The following KCNU1 variants were observed in gnomAD, a reference collection of about 807,000 sequenced individuals.
The protein encoded by KCNU1 is potassium channel subfamily U member 1.
KCNU1 carries 93 observed loss-of-function variants against 126.8 expected under a neutral mutation model. That is an observed-to-expected ratio of 0.73 (90% CI 0.62 to 0.87). KCNU1 has a LOEUF of 0.87. Ranked by LOEUF, KCNU1 falls within the 40% of genes least tolerant of loss-of-function variation. The pLI is 0.00. For synonymous variants in KCNU1, 523 were observed against 494.2 expected, an observed-to-expected ratio of 1.06 and a Z score of -0.77; for missense variants, 1,330 against 1,367.1, an observed-to-expected ratio of 0.97 and a Z score of 0.43.
At chr8:36,818,736 A>G (rs1438838615) in intron 10 of KCNU1, among the ~76,000 whole-genome samples, 1 of 152,224 alleles carries the variant, frequency 6.6e-6, no homozygotes, top group Non-Finnish European at 1.5e-5. Flanking sequence ...ATCTTCTGGC[A>G]CTGTGTAGTT....
At chr8:36,846,728 G>C (rs1351842368) in intron 18 of KCNU1, among the ~76,000 whole-genome samples, 2 of 150,872 alleles carry the variant, frequency 1.3e-5, no homozygotes, top group Non-Finnish European at 2.9e-5. Context: ...TTGAACCTGG[G>C]AGGCGGAGGT....
chr8:36,811,729 C>T (rs551993097), intron 7 of KCNU1, among the ~76,000 whole-genome samples: 14 of 151,588 alleles, frequency 9.2e-5, no homozygotes, highest in Admixed American at 6.6e-4. Flanking sequence ...GTCAGGGGTT[C>T]GAGACCAGCC....
intron 19 of KCNU1, among the ~76,000 whole-genome samples, chr8:36,868,659 T>C (rs554114871): frequency 6.6e-6 from 1 of 152,208 alleles, no homozygotes; most frequent in Non-Finnish European, 1.5e-5. Flanking sequence ...GTCTTTCTCT[T>C]CCCATAGAAT....
intron 19 of KCNU1, among the ~76,000 whole-genome samples, chr8:36,871,421 A>C (rs1332156380): frequency 6.6e-6 from 1 of 151,950 alleles, no homozygotes; most frequent in East Asian, 1.9e-4. Flanking sequence ...AGAGAGAGAG[A>C]GAGAGCGAGC....
At chr8:36,797,286 C>T (rs1038949914) in intron 2 of KCNU1, among the ~76,000 whole-genome samples, 3 of 152,020 alleles carry the variant, frequency 2.0e-5, no homozygotes, top group African/African-American at 7.2e-5. Context: ...TGACCACTGG[C>T]TGATATTTAC....
chr8:36,864,271 G>A, intron 18 of KCNU1, 133 bp from the exon 19 acceptor site: 1 of 653,320 alleles, frequency 1.5e-6, no homozygotes, highest in Non-Finnish European at 2.8e-6. Flanking sequence ...CATCCTCTTA[G>A]AACTAGGCTG....
At chr8:36,814,029 C>A (rs1454723981) in intron 7 of KCNU1, among the ~76,000 whole-genome samples, 178 bp from the exon 8 acceptor site, 1 of 152,188 alleles carries the variant, frequency 6.6e-6, no homozygotes, top group Non-Finnish European at 1.5e-5. Flanking sequence ...ACTTTACACT[C>A]ACTACCCATG....
At chr8:36,813,655 T>C (rs1275942906) in intron 7 of KCNU1, among the ~76,000 whole-genome samples, 2 of 141,644 alleles carry the variant, frequency 1.4e-5, no homozygotes, top group East Asian at 4.0e-4. Context: ...GAGGAAAATA[T>C]TTTTAAAGGT....
chr8:36,935,435 A>C, intron 26 of KCNU1, 80 bp from the exon 27 acceptor site: 1 of 1,122,370 alleles, frequency 8.9e-7, no homozygotes, highest in Non-Finnish European at 1.3e-6. Context: ...CAGCAAAATG[A>C]CCTCTTTATT....
intron 19 of KCNU1, among the ~76,000 whole-genome samples, chr8:36,870,384 G>C (rs1339805064): frequency 6.6e-6 from 1 of 152,064 alleles, no homozygotes; most frequent in African/African-American, 2.4e-5. Context: ...TGCCCCCTCT[G>C]CCATACATAC....
chr8:36,897,278 G>A lies in KCNU1; in HGVS notation c.2010-8430G>A, dbSNP rs570966050. On this transcript the variant is annotated intron_variant, in intron 19 of 26. Coordinates refer to ENST00000399881, the MANE Select transcript of KCNU1 (RefSeq NM_001031836.3). ...TCCCTCTCTCTCTCCCTCTATTGTAGAAAAATTCCCATAAAATTTATAGAA... is the reference window on the plus strand; with the variant it reads ...TCCCTCTCTCTCTCCCTCTATTGTAAAAAAATTCCCATAAAATTTATAGAA... 2.4e-4 allele frequency among the ~76,000 whole-genome samples: 37 copies of A among 151,616 alleles called. No homozygotes were observed. The South Asian group carries it at 4.0e-3, about 16-fold the overall frequency.
intron 2 of KCNU1, among the ~76,000 whole-genome samples, chr8:36,797,324 A>G (rs1005016473): frequency 6.6e-6 from 1 of 151,922 alleles, no homozygotes; most frequent in African/African-American, 2.4e-5. Flanking sequence ...TATTACTTTA[A>G]TTTATTTTTT....
At chr8:36,842,766 G>A (rs539724606) in intron 16 of KCNU1, among the ~76,000 whole-genome samples, 3 of 152,284 alleles carry the variant, frequency 2.0e-5, no homozygotes, top group African/African-American at 7.2e-5. Context: ...CGCCTCCCAG[G>A]TTCAAGTGAT....
chr8:36,849,547 G>T (rs1805270490), intron 18 of KCNU1, among the ~76,000 whole-genome samples: 1 of 152,152 alleles, frequency 6.6e-6, no homozygotes, highest in Admixed American at 6.5e-5. Flanking sequence ...CCAAGATCAG[G>T]CCACTGCGCT....
intron 19 of KCNU1, among the ~76,000 whole-genome samples, chr8:36,865,820 T>C (rs1235069970): frequency 7.1e-6 from 1 of 141,156 alleles, no homozygotes; most frequent in African/African-American, 2.6e-5. Flanking sequence ...GGAAATGTCA[T>C]ACACACACAC....
intron 7 of KCNU1, among the ~76,000 whole-genome samples, chr8:36,813,916 A>G (rs1306160908): frequency 6.6e-6 from 1 of 152,140 alleles, no homozygotes; most frequent in Non-Finnish European, 1.5e-5. Flanking sequence ...CCACTTGAAA[A>G]GAGAGCCCAG....
At chr8:36,899,034 G>A (rs1174002789) in intron 19 of KCNU1, among the ~76,000 whole-genome samples, 1 of 152,042 alleles carries the variant, frequency 6.6e-6, no homozygotes, top group Non-Finnish European at 1.5e-5. Flanking sequence ...GTGAGAAAGA[G>A]GGAAATTGTC....
At chr8:36,853,420 T>G (rs1294663830) in intron 18 of KCNU1, among the ~76,000 whole-genome samples, 1 of 152,218 alleles carries the variant, frequency 6.6e-6, no homozygotes, top group Non-Finnish European at 1.5e-5. Flanking sequence ...AGAAGCATGG[T>G]GTATTTTTAA....
chr8:36,895,829 C>A (rs976025154), intron 19 of KCNU1, among the ~76,000 whole-genome samples: 2 of 151,982 alleles, frequency 1.3e-5, no homozygotes, highest in Non-Finnish European at 2.9e-5. Flanking sequence ...AGTGATTAAT[C>A]TGCAACATAA....
Sources: gnomAD v4.1 joint callset for allele counts (sites outside exome capture counted in the v4.1 genomes callset) on GRCh38, gnomAD v4.1.1 for gene constraint, MANE v1.5 for transcripts, NCBI Gene and HGNC (gene_info 2026-07-23, HGNC 2026-07-21) for gene names.